The following LPP variants were observed in gnomAD, a reference collection of about 807,000 sequenced individuals.
LPP encodes lipoma-preferred partner.
LPP carries 38 observed loss-of-function variants against 60.4 expected under a neutral mutation model. The observed-to-expected ratio is 0.63, with a 90% CI of 0.49 to 0.83. The LOEUF (loss-of-function observed/expected upper bound fraction) is 0.83, where lower values mean the gene tolerates loss of function less well. LPP is among the 40% of genes least tolerant of loss of function. The pLI is 0.00. For synonymous variants in LPP, 328 were observed against 290.8 expected (o/e 1.13, Z -1.30); for missense variants, 902 against 783.6 (o/e 1.15, Z -1.80).
At chr3:188,453,414 G>A (rs972224408) in intron 4 of LPP, among the ~76,000 whole-genome samples, 3 of 151,940 alleles carry the variant, frequency 2.0e-5, no homozygotes, top group Admixed American at 6.6e-5. Context: ...GTATGATACC[G>A]ACCGGATCCT....
At chr3:188,445,190 A>G (rs1459264915) in intron 4 of LPP, among the ~76,000 whole-genome samples, 3 of 152,220 alleles carry the variant, frequency 2.0e-5, no homozygotes, top group African/African-American at 4.8e-5. Flanking sequence ...ATGCACACAC[A>G]TATGTTTATT....
chr3:188,190,640 A>G (rs1329617533), intron 1 of LPP, among the ~76,000 whole-genome samples: 1 of 152,210 alleles, frequency 6.6e-6, no homozygotes, highest in African/African-American at 2.4e-5. Context: ...GACAAGCGCT[A>G]AGCAGCAGAG....
At chr3:188,240,581 G>A (rs1724058119) in intron 2 of LPP, among the ~76,000 whole-genome samples, 1 of 152,254 alleles carries the variant, frequency 6.6e-6, no homozygotes, top group Admixed American at 6.5e-5. Context: ...TCATTCCACT[G>A]TTATTGAGTA....
At chr3:188,723,817 A>T (rs1421162196) in intron 8 of LPP, among the ~76,000 whole-genome samples, 2 of 152,064 alleles carry the variant, frequency 1.3e-5, no homozygotes, top group Non-Finnish European at 2.9e-5. Context: ...ATTGTATTTG[A>T]TTCATAACTC....
At chr3:188,852,343 A>G (rs944386268) in intron 9 of LPP, among the ~76,000 whole-genome samples, 3 of 152,048 alleles carry the variant, frequency 2.0e-5, no homozygotes, top group Non-Finnish European at 4.4e-5. Flanking sequence ...ATCTCCCTCT[A>G]TCTGCATGTG....
At chr3:188,713,881 G>A (rs1712684984) in intron 8 of LPP, among the ~76,000 whole-genome samples, 1 of 152,158 alleles carries the variant, frequency 6.6e-6, no homozygotes. Context: ...GTGGGTCTTT[G>A]AAATTTCCCG....
intron 9 of LPP, among the ~76,000 whole-genome samples, chr3:188,852,867 G>A (rs1003786047): frequency 8.5e-5 from 13 of 152,314 alleles, no homozygotes; most frequent in African/African-American, 2.9e-4. Context: ...GGAGGGCTGG[G>A]TGTGGTGGCT....
intron 6 of LPP, among the ~76,000 whole-genome samples, chr3:188,559,807 C>T (rs1830272590): frequency 6.6e-6 from 1 of 152,044 alleles, no homozygotes; most frequent in Admixed American, 6.6e-5. Flanking sequence ...AAAACACTTA[C>T]CTCACATAAA....
At chr3:188,415,348 T>A (rs1029482569) in intron 4 of LPP, among the ~76,000 whole-genome samples, 1 of 152,114 alleles carries the variant, frequency 6.6e-6, no homozygotes, top group African/African-American at 2.4e-5. Flanking sequence ...GTGCAAAATT[T>A]TGTAGCCACG....
chr3:188,662,222 T>A (rs1223105858), intron 7 of LPP, among the ~76,000 whole-genome samples: 1 of 152,246 alleles, frequency 6.6e-6, no homozygotes, highest in South Asian at 2.1e-4. Flanking sequence ...GCAGGTAATA[T>A]GCATTTGAGC....
intron 4 of LPP, among the ~76,000 whole-genome samples, chr3:188,407,775 TTTTTGTTTGTTTG>T (rs1783906400): frequency 9.0e-5 from 2 of 22,244 alleles, no homozygotes; most frequent in African/African-American, 1.3e-4. Context: ...ATGGTTTTTT[TTTTTGTTTGTTTG>T]TTTTTTTTTT....
At chr3:188,365,031 C>T (rs1260789987) in intron 3 of LPP, among the ~76,000 whole-genome samples, 1 of 151,890 alleles carries the variant, frequency 6.6e-6, no homozygotes, top group Non-Finnish European at 1.5e-5. Flanking sequence ...CTCTTTAGAG[C>T]ACTAAACAGA....
At chr3:188,665,033 A>T (rs1855463057) in intron 7 of LPP, among the ~76,000 whole-genome samples, 1 of 152,118 alleles carries the variant, frequency 6.6e-6, no homozygotes, top group Non-Finnish European at 1.5e-5. Flanking sequence ...TTCAGTGACC[A>T]CGTCTTTGGA....
At chr3:188,239,735 A>C (rs2149434240) in intron 2 of LPP, 1 of 217,870 alleles carries the variant, frequency 4.6e-6, no homozygotes, top group African/African-American at 2.2e-5. Context: ...AAACAAATAA[A>C]CAAGCACAAA....
At chr3:188,247,282 G>A (rs1284098570) in intron 2 of LPP, 20 of 483,454 alleles carry the variant, frequency 4.1e-5, no homozygotes, top group Non-Finnish European at 5.4e-5. Flanking sequence ...AAACGCTGAG[G>A]CTATTTTTAG....
At chr3:188,793,592 G>A (rs1316026931) in intron 9 of LPP, among the ~76,000 whole-genome samples, 2 of 152,102 alleles carry the variant, frequency 1.3e-5, no homozygotes. Context: ...TTTAAGTAAA[G>A]CCTACTCATA....
intron 2 of LPP, among the ~76,000 whole-genome samples, chr3:188,240,640 A>T (rs151029638): frequency 6.6e-6 from 1 of 152,288 alleles, no homozygotes; most frequent in African/African-American, 2.4e-5. Context: ...TTTCATATAA[A>T]AAAGCGTAAT....
chr3:188,459,685 C>T (rs548072910), intron 4 of LPP, among the ~76,000 whole-genome samples: 2 of 152,190 alleles, frequency 1.3e-5, no homozygotes, highest in Admixed American at 1.3e-4. Flanking sequence ...GAAAATTCTT[C>T]GAATTCATTG....
chr3:188,221,399 C>A (rs895801348), intron 1 of LPP, among the ~76,000 whole-genome samples: 2 of 152,118 alleles, frequency 1.3e-5, no homozygotes, highest in African/African-American at 4.8e-5. Flanking sequence ...CTCTTCGACA[C>A]CCCTAGGCAT....
Sources: allele counts gnomAD v4.1 joint callset (sites outside exome capture counted in the v4.1 genomes callset), GRCh38; gene constraint gnomAD v4.1.1; transcripts MANE v1.5; gene names NCBI Gene and HGNC (gene_info 2026-07-23, HGNC 2026-07-21).